Variants in STARD13 observed in about 807,000 individuals in gnomAD.
The protein encoded by STARD13 is StAR related lipid transfer domain containing 13.
A neutral mutation model predicts 106.4 loss-of-function variants in STARD13; 62 were observed. That is an observed-to-expected ratio of 0.58 (90% CI 0.48 to 0.72). STARD13 has a LOEUF of 0.72. STARD13 is among the 30% of genes least tolerant of loss of function. The probability of loss-of-function intolerance (pLI) is 0.00; values close to 1 mark genes in which losing one functional copy is unlikely to be tolerated. For missense variants in STARD13, 1,387 were observed against 1,424.0 expected (o/e 0.97, Z 0.42); for synonymous variants, 565 against 553.0 (o/e 1.02, Z -0.31).
rs192117625 is a variant in STARD13, at chr13:33,169,413, G to A, written c.170-1791C>T. On this transcript the variant is annotated intron_variant, in intron 1 of 13. Coordinates refer to ENST00000336934, the MANE Select transcript of STARD13 (RefSeq NM_178006.4). ...GGAAAACATACATTCCATCTGTAAC[G>A]TGTGGAAAATGTGGTGAGTTGCTCC... 2.2e-3 allele frequency among the ~76,000 whole-genome samples: 334 copies of A among 152,306 alleles called. 2 individuals are homozygous for A. The Middle Eastern group carries it at 0.027, about 12-fold the overall frequency.
chr13:33,348,958 C>T (rs2078043448), exon 2 of STARD13: 2 of 584,266 alleles, frequency 3.4e-6, no homozygotes, highest in Non-Finnish European at 3.1e-6. Flanking sequence ...GACCTTCTCT[C>T]AAGGTGCTAT....
intron 3 of STARD13, among the ~76,000 whole-genome samples, chr13:33,149,640 G>A (rs1881003382): frequency 6.6e-6 from 1 of 152,114 alleles, no homozygotes; most frequent in Admixed American, 6.6e-5. Context: ...CTGAAACTAG[G>A]TACATATTCC....
intron 1 of STARD13, among the ~76,000 whole-genome samples, chr13:33,329,704 C>CTTTT (rs1270014763): frequency 6.3e-5 from 8 of 126,288 alleles, no homozygotes; most frequent in African/African-American, 8.7e-5. Context: ...CACTTTCTTT[C>CTTTT]TTTTTTTTTT....
the STARD13 span, among the ~76,000 whole-genome samples, chr13:33,480,198 G>T: frequency 6.6e-6 from 1 of 152,164 alleles, no homozygotes; most frequent in South Asian, 2.1e-4. Context: ...TTCAATGGCT[G>T]CCTATTGAAA....
chr13:33,523,021 G>A, the STARD13 span, among the ~76,000 whole-genome samples: 1 of 152,104 alleles, frequency 6.6e-6, no homozygotes. Context: ...ATTATCACGT[G>A]TGCTGAATAT....
chr13:33,377,310 C>A, the STARD13 span, among the ~76,000 whole-genome samples: 2 of 150,780 alleles, frequency 1.3e-5, no homozygotes, highest in Non-Finnish European at 1.5e-5. Context: ...GTAAAAAAAA[C>A]ATTTAATTTT....
the STARD13 span, among the ~76,000 whole-genome samples, chr13:33,615,591 C>T: frequency 1.3e-5 from 2 of 152,202 alleles, no homozygotes; most frequent in Non-Finnish European, 2.9e-5. Flanking sequence ...AACACCCCAC[C>T]TGTTACCGAG....
At chr13:33,621,007 G>T in the STARD13 span, among the ~76,000 whole-genome samples, 2,857 of 151,746 alleles carry the variant, frequency 0.019, 88 homozygotes, top group African/African-American at 0.065. Flanking sequence ...TAGAAGAAAA[G>T]TTATAATATT....
At chr13:33,559,744 C>T in the STARD13 span, among the ~76,000 whole-genome samples, 1 of 151,422 alleles carries the variant, frequency 6.6e-6, no homozygotes, top group Admixed American at 6.6e-5. Flanking sequence ...GTAGTCCCAG[C>T]TACTTGGGAG....
chr13:33,622,034 A>G, the STARD13 span, among the ~76,000 whole-genome samples: 2 of 151,652 alleles, frequency 1.3e-5, no homozygotes, highest in Non-Finnish European at 2.9e-5. Context: ...CGAACTCCTG[A>G]CCTCAGGTGA....
At chr13:33,567,691 C>A in the STARD13 span, among the ~76,000 whole-genome samples, 9 of 148,036 alleles carry the variant, frequency 6.1e-5, 1 homozygote, top group African/African-American at 2.2e-4. Flanking sequence ...ATAGACAATT[C>A]ATCTAGTAGT....
At chr13:33,599,722 G>A in the STARD13 span, among the ~76,000 whole-genome samples, 30 of 152,290 alleles carry the variant, frequency 2.0e-4, no homozygotes, top group African/African-American at 7.2e-4. Context: ...GTGAGAGGGA[G>A]AGAGAGACAG....
chr13:33,530,063 T>C, the STARD13 span, among the ~76,000 whole-genome samples: 1 of 151,894 alleles, frequency 6.6e-6, no homozygotes, highest in African/African-American at 2.4e-5. Flanking sequence ...TGCATAATAA[T>C]TGCTGGTATC....
chr13:33,178,583 C>T lies in STARD13; in HGVS notation c.170-10961G>A, dbSNP rs190842543. Among the ~76,000 whole-genome samples the T allele has an allele frequency of 6.4e-3, 973 of 152,246 alleles. 11 individuals are homozygous for T. The highest frequency in any genetic ancestry group is 0.022 in the African/African-American group (916 of 41,544). On this transcript the variant is annotated intron_variant, in intron 1 of 13. Transcript: ENST00000336934. ...GTACCAGAACTGTGTTTAAATGATG[C>T]TACAGGGATATCTTAAACTAACAGG...
At chr13:33,435,918 C>T in the STARD13 span, among the ~76,000 whole-genome samples, 3 of 152,162 alleles carry the variant, frequency 2.0e-5, no homozygotes, top group East Asian at 1.9e-4. Context: ...AATAGGTACA[C>T]TCCATATAGT....
the STARD13 span, among the ~76,000 whole-genome samples, chr13:33,430,679 C>T: frequency 6.6e-6 from 1 of 152,128 alleles, no homozygotes; most frequent in South Asian, 2.1e-4. Context: ...ACCTAAGTGC[C>T]CTTCAATGGA....
chr13:33,560,517 A>AAT, the STARD13 span, among the ~76,000 whole-genome samples: 1 of 151,372 alleles, frequency 6.6e-6, no homozygotes, highest in Non-Finnish European at 1.5e-5. Flanking sequence ...TAGACAGTAT[A>AAT]CATAATCAGT....
chr13:33,162,446 C>G (rs1415313277), intron 3 of STARD13, among the ~76,000 whole-genome samples: 1 of 152,222 alleles, frequency 6.6e-6, no homozygotes, highest in Non-Finnish European at 1.5e-5. Context: ...TGAATTTCTC[C>G]TCAGAAAATG....
At chr13:33,362,433 A>G in the STARD13 span, among the ~76,000 whole-genome samples, 1 of 152,194 alleles carries the variant, frequency 6.6e-6, no homozygotes, top group Non-Finnish European at 1.5e-5. Flanking sequence ...TTTGGAGGGG[A>G]CAAACATCCA....
Sources: allele counts gnomAD v4.1 joint callset (sites outside exome capture counted in the v4.1 genomes callset), GRCh38; gene constraint gnomAD v4.1.1; transcripts MANE v1.5; gene names NCBI Gene and HGNC (gene_info 2026-07-23, HGNC 2026-07-21).